PDE8A: variants seen among roughly 807,000 people sequenced by gnomAD.
The protein encoded by PDE8A is phosphodiesterase 8A, also known as high affinity cAMP-specific and IBMX-insensitive 3',5'-cyclic phosphodiesterase 8A.
PDE8A carries 59 observed loss-of-function variants against 105.0 expected under a neutral mutation model. That is an observed-to-expected ratio of 0.56 (90% CI 0.46 to 0.70). The LOEUF (loss-of-function observed/expected upper bound fraction) is 0.70. PDE8A is among the 30% of genes least tolerant of loss of function. The pLI is 0.00. For missense variants in PDE8A, 1,014 were observed against 1,045.9 expected, an observed-to-expected ratio of 0.97 and a Z score of 0.42; for synonymous variants, 355 against 371.9, an observed-to-expected ratio of 0.95 and a Z score of 0.52.
intron 17 of PDE8A, among the ~76,000 whole-genome samples, chr15:85,118,075 G>A (rs907857637): frequency 3.3e-5 from 5 of 152,134 alleles, no homozygotes; most frequent in African/African-American, 9.7e-5. Context: ...ATTTGGTCCC[G>A]GAGGAGAAAC....
intron 1 of PDE8A, among the ~76,000 whole-genome samples, chr15:84,986,600 G>C (rs1439728772): frequency 6.9e-6 from 1 of 144,528 alleles, no homozygotes; most frequent in African/African-American, 2.6e-5. Context: ...AGTTTACAAA[G>C]TGGATTAGTC....
At chr15:85,118,650 ATT>A (rs1319047939) in intron 17 of PDE8A, among the ~76,000 whole-genome samples, 10 of 152,140 alleles carry the variant, frequency 6.6e-5, no homozygotes, top group Non-Finnish European at 1.3e-4. Flanking sequence ...TCCTCTCATC[ATT>A]TCTTCTCCTT....
chr15:85,071,586 CCCCGCTCT>C (rs1458641487), intron 3 of PDE8A, among the ~76,000 whole-genome samples: 2 of 152,206 alleles, frequency 1.3e-5, no homozygotes, highest in African/African-American at 4.8e-5. Flanking sequence ...AGGCCAGGAG[CCCCGCTCT>C]GCAGCAGACC....
At chr15:85,136,421 C>CCATGACAAGCCACCTTA in intron 20 of PDE8A, 113 bp from the exon 21 acceptor site, 2 of 1,126,892 alleles carry the variant, frequency 1.8e-6, no homozygotes, top group Non-Finnish European at 2.5e-6. Flanking sequence ...TGGCTTCTCA[C>CCATGACAAGCCACCTTA]CATGACAAGC....
chr15:84,990,629 G>A (rs1485429041), intron 1 of PDE8A, among the ~76,000 whole-genome samples: 1 of 152,014 alleles, frequency 6.6e-6, no homozygotes, highest in Non-Finnish European at 1.5e-5. Flanking sequence ...CTATTCTTTT[G>A]TTATTGGATA....
rs149874514 is a variant in PDE8A, at chr15:85,068,228, C to T, written c.434+1024C>T. ...GCTAATTTTGTATTTTTAATAGAGA[C>T]GGTGTTTGACCATATTGGCCAGGCT... is the stretch of plus-strand genomic sequence containing the variant. On this transcript the variant is annotated intron_variant, in intron 3 of 21. Transcript: ENST00000394553. Among the ~76,000 whole-genome samples the T allele has an allele frequency of 6.8e-3, 1,034 of 152,098 alleles. 8 individuals are homozygous for T. Among genetic ancestry groups the T allele is most frequent in the African/African-American group, 0.021 (873 of 41,460 alleles).
intron 1 of PDE8A, among the ~76,000 whole-genome samples, chr15:85,014,134 C>G (rs2080284942): frequency 6.8e-6 from 1 of 147,858 alleles, no homozygotes; most frequent in African/African-American, 2.7e-5. Context: ...CTTTCTTTTT[C>G]TTTTTCTTTT....
At chr15:85,074,074 AG>A (rs1235654843) in intron 3 of PDE8A, among the ~76,000 whole-genome samples, 1 of 152,090 alleles carries the variant, frequency 6.6e-6, no homozygotes, top group African/African-American at 2.4e-5. Flanking sequence ...AGGGATGTTG[AG>A]GGGGTGGGGA....
intron 1 of PDE8A, among the ~76,000 whole-genome samples, chr15:85,032,055 G>A (rs2080624887): frequency 6.6e-6 from 1 of 152,130 alleles, no homozygotes; most frequent in South Asian, 2.1e-4. Context: ...TGTCTCTAAG[G>A]TCTGCTCAGT....
chr15:85,059,933 A>G (rs1177706799), intron 1 of PDE8A, among the ~76,000 whole-genome samples: 1 of 152,196 alleles, frequency 6.6e-6, no homozygotes, highest in Non-Finnish European at 1.5e-5. Flanking sequence ...TCTTGAGCCC[A>G]GGAGTTCAAG....
At chr15:85,030,051 A>G (rs2080587040) in intron 1 of PDE8A, among the ~76,000 whole-genome samples, 1 of 152,166 alleles carries the variant, frequency 6.6e-6, no homozygotes, top group Admixed American at 6.5e-5. Context: ...GGGAAAAATG[A>G]TGTTGAGAAT....
intron 17 of PDE8A, among the ~76,000 whole-genome samples, chr15:85,118,945 C>T (rs1458226432): frequency 6.6e-6 from 1 of 152,152 alleles, no homozygotes; most frequent in Non-Finnish European, 1.5e-5. Flanking sequence ...CCCTCTGGTT[C>T]TTATTTCTGT....
intron 3 of PDE8A, among the ~76,000 whole-genome samples, chr15:85,069,083 A>G (rs2081274680): frequency 6.6e-6 from 1 of 152,204 alleles, no homozygotes; most frequent in African/African-American, 2.4e-5. Context: ...CTTATAGACT[A>G]GAGGAGCTGA....
chr15:85,015,752 CA>C (rs2080315103), intron 1 of PDE8A, among the ~76,000 whole-genome samples: 1 of 152,090 alleles, frequency 6.6e-6, no homozygotes, highest in South Asian at 2.1e-4. Context: ...AGACTCTCTC[CA>C]AAGGGTCGTT....
At chr15:85,136,807 C>G (rs2082418180) in intron 21 of PDE8A, 144 bp downstream of exon 21, 1 of 725,730 alleles carries the variant, frequency 1.4e-6, no homozygotes, top group African/African-American at 1.8e-5. Context: ...CACCGAGGGC[C>G]CCTGAGGGCT....
At chr15:85,001,543 A>G (rs1489015549) in intron 1 of PDE8A, among the ~76,000 whole-genome samples, 1 of 152,136 alleles carries the variant, frequency 6.6e-6, no homozygotes, top group Non-Finnish European at 1.5e-5. Context: ...GGTCACGGAG[A>G]ATGGATGGAT....
At chr15:84,998,027 G>A (rs1187011657) in intron 1 of PDE8A, among the ~76,000 whole-genome samples, 8 of 152,214 alleles carry the variant, frequency 5.3e-5, no homozygotes, top group Admixed American at 5.2e-4. Context: ...AGGGTAGTCT[G>A]TAATGAAAAA....
chr15:85,099,987 G>T (rs777672079), intron 9 of PDE8A, 28 bp from the exon 10 acceptor site: 18 of 1,576,888 alleles, frequency 1.1e-5, no homozygotes, highest in Non-Finnish European at 1.1e-5. Flanking sequence ...ACTCAGAAGA[G>T]AAATAATGCA....
rs2082447686 is a variant in PDE8A, at chr15:85,138,399, T to C, written c.*496T>C. The C allele has an allele frequency of 6.6e-6, 1 of 152,658 alleles. No individual in the cohort carries two copies. Among genetic ancestry groups the C allele is most frequent in the South Asian group, 2.1e-4 (1 of 4,830 alleles). 9.5% of individuals were successfully genotyped at this position (152,658 alleles called of 1,614,324 possible). ...TAAAATTGAGTAGCAGATGAAAAATTAAAATTTGAACTTGATTATTAATAT... is the reference window on the plus strand; with the variant it reads ...TAAAATTGAGTAGCAGATGAAAAATCAAAATTTGAACTTGATTATTAATAT... On this transcript the variant is annotated 3_prime_UTR_variant, in exon 22 of 22. Transcript: ENST00000394553.
Sources: allele counts gnomAD v4.1 joint callset (sites outside exome capture counted in the v4.1 genomes callset), GRCh38; gene constraint gnomAD v4.1.1; transcripts MANE v1.5; gene names NCBI Gene and HGNC (gene_info 2026-07-23, HGNC 2026-07-21).